The following TENM3 variants were observed in gnomAD, a reference collection of about 807,000 sequenced individuals.
The protein encoded by TENM3 is teneurin-3.
In TENM3, 63 loss-of-function variants were observed where a neutral mutation model predicts 255.1. That is an observed-to-expected ratio of 0.25 (90% CI 0.20 to 0.30). TENM3 has a LOEUF of 0.30. Ranked by LOEUF, TENM3 falls within the 10% of genes least tolerant of loss-of-function variation. The pLI, the probability that TENM3 is intolerant of heterozygous loss-of-function variation, is 1.00. For missense variants in TENM3, 2,929 were observed against 3,461.1 expected (o/e 0.85, Z 3.86); for synonymous variants, 1,306 against 1,322.3 (o/e 0.99, Z 0.27).
At chr4:181,548,891 T>C in the TENM3 span, among the ~76,000 whole-genome samples, 1 of 152,156 alleles carries the variant, frequency 6.6e-6, no homozygotes, top group African/African-American at 2.4e-5. Flanking sequence ...TGCAAGTTAA[T>C]GATAACATTT....
chr4:181,910,624 GTGTGTA>G, the TENM3 span, among the ~76,000 whole-genome samples: 81 of 145,674 alleles, frequency 5.6e-4, 1 homozygote, highest in African/African-American at 1.5e-3. Flanking sequence ...ACACGTGTGT[GTGTGTA>G]TGTGTGTGTG....
At chr4:181,469,943 A>T in the TENM3 span, among the ~76,000 whole-genome samples, 1 of 151,976 alleles carries the variant, frequency 6.6e-6, no homozygotes, top group Admixed American at 6.6e-5. Context: ...GTTAAGTCTG[A>T]TTATTATGTA....
chr4:181,775,133 G>A, the TENM3 span, among the ~76,000 whole-genome samples: 3 of 152,072 alleles, frequency 2.0e-5, no homozygotes, highest in Non-Finnish European at 2.9e-5. Context: ...AGAGGCCGGG[G>A]CAGAGTCCTG....
intron 3 of TENM3, among the ~76,000 whole-genome samples, chr4:182,462,490 TGAACAGCCGCACTCA>T (rs1732124712): frequency 6.6e-6 from 1 of 151,800 alleles, no homozygotes; most frequent in African/African-American, 2.4e-5. Context: ...CCCTCCTCTC[TGAACAGCCGCACTCA>T]GAACGCCTTT....
At chr4:181,587,706 C>T in the TENM3 span, among the ~76,000 whole-genome samples, 2 of 152,264 alleles carry the variant, frequency 1.3e-5, no homozygotes, top group East Asian at 3.9e-4. Context: ...TTGAGGATTT[C>T]TTCAATCTGG....
intron 1 of TENM3, among the ~76,000 whole-genome samples, chr4:182,177,022 T>A (rs1012961178): frequency 6.6e-6 from 1 of 151,806 alleles, no homozygotes; most frequent in Admixed American, 6.6e-5. Flanking sequence ...GGACAGACAT[T>A]CAAATTTTAG....
At chr4:182,115,909 T>A in the TENM3 span, among the ~76,000 whole-genome samples, 4 of 152,208 alleles carry the variant, frequency 2.6e-5, no homozygotes, top group African/African-American at 9.6e-5. Context: ...TTTTATTTTT[T>A]AGAGATGTTT....
chr4:182,392,427 C>T (rs1768497668), intron 3 of TENM3, among the ~76,000 whole-genome samples: 1 of 152,220 alleles, frequency 6.6e-6, no homozygotes, highest in Non-Finnish European at 1.5e-5. Flanking sequence ...CCCAGTGTAA[C>T]TTTAATGGGT....
At chr4:181,963,924 G>T in the TENM3 span, among the ~76,000 whole-genome samples, 1 of 152,080 alleles carries the variant, frequency 6.6e-6, no homozygotes, top group South Asian at 2.1e-4. Context: ...AAGGCTAACT[G>T]CCCAACTCCC....
At chr4:182,209,046 G>A (rs1045057266) in intron 1 of TENM3, among the ~76,000 whole-genome samples, 7 of 149,596 alleles carry the variant, frequency 4.7e-5, no homozygotes, top group South Asian at 4.2e-4. Context: ...TCAGCTCACT[G>A]CAACCTCCGC....
the TENM3 span, among the ~76,000 whole-genome samples, chr4:182,011,955 C>T: frequency 6.6e-6 from 1 of 152,142 alleles, no homozygotes. Context: ...ACAGACTAAG[C>T]CCATTCAAAG....
At chr4:181,448,154 A>ATTTTTTTTTTTTT in the TENM3 span, among the ~76,000 whole-genome samples, 6 of 90,124 alleles carry the variant, frequency 6.7e-5, no homozygotes, top group Admixed American at 2.4e-4. Flanking sequence ...AAATCCAGTA[A>ATTTTTTTTTTTTT]TTTTTTTTTT....
chr4:181,672,130 T>C, the TENM3 span, among the ~76,000 whole-genome samples: 1 of 152,172 alleles, frequency 6.6e-6, no homozygotes, highest in Admixed American at 6.5e-5. Flanking sequence ...ATAAAAACGC[T>C]GTGATAGTCT....
chr4:182,054,491 T>C, the TENM3 span, among the ~76,000 whole-genome samples: 8 of 152,140 alleles, frequency 5.3e-5, no homozygotes, highest in Non-Finnish European at 8.8e-5. Flanking sequence ...AACAGGAGAT[T>C]GGGACAAAAA....
chr4:182,660,245 G>T, intron 6 of TENM3, among the ~76,000 whole-genome samples: 1 of 152,130 alleles, frequency 6.6e-6, no homozygotes, highest in East Asian at 1.9e-4. Flanking sequence ...CATGTAGTAG[G>T]TGCTCACAAA....
At chr4:181,877,231 G>T in the TENM3 span, 1 of 152,110 alleles carries the variant, frequency 6.6e-6, no homozygotes, top group African/African-American at 2.4e-5. Context: ...TCTGAAGCGG[G>T]ATTTGAGTTG....
At chr4:181,821,989 T>G in the TENM3 span, among the ~76,000 whole-genome samples, 3 of 152,232 alleles carry the variant, frequency 2.0e-5, no homozygotes, top group Non-Finnish European at 4.4e-5. Flanking sequence ...TTGTTCACAA[T>G]TATTCTATAC....
chr4:182,051,226 C>T, the TENM3 span, among the ~76,000 whole-genome samples: 1 of 151,718 alleles, frequency 6.6e-6, no homozygotes, highest in Admixed American at 6.6e-5. Flanking sequence ...GCCTGTAATC[C>T]CAGCTACTCG....
chr4:182,705,411 C>G (rs1405118430), intron 12 of TENM3, among the ~76,000 whole-genome samples: 9 of 152,204 alleles, frequency 5.9e-5, no homozygotes, highest in Admixed American at 5.9e-4. Flanking sequence ...GATGTCTACA[C>G]TATACCGAGG....
Sources: allele counts gnomAD v4.1 joint callset (sites outside exome capture counted in the v4.1 genomes callset), GRCh38; gene constraint gnomAD v4.1.1; transcripts MANE v1.5; gene names NCBI Gene and HGNC (gene_info 2026-07-23, HGNC 2026-07-21).